Variants in EPS8L1 observed in about 807,000 individuals in gnomAD.
EPS8L1 encodes the protein EPS8 signaling adaptor L1, also known as epidermal growth factor receptor kinase substrate 8-like protein 1.
EPS8L1 carries 101 observed loss-of-function variants against 91.7 expected under a neutral mutation model. That is an observed-to-expected ratio of 1.10 (90% confidence interval 0.94 to 1.30). The LOEUF (loss-of-function observed/expected upper bound fraction) is 1.30. Among genes scored for constraint, EPS8L1 ranks in the 50% most tolerant of loss-of-function variants. The pLI, the probability that EPS8L1 is intolerant of heterozygous loss-of-function variation, is 0.00. For missense variants in EPS8L1, 1,114 were observed against 1,017.0 expected (o/e 1.10, Z -1.30); for synonymous variants, 506 against 445.3 (o/e 1.14, Z -1.72).
rs752662686 is a variant in EPS8L1, at chr19:55,086,106, G to A, written c.1564G>A (p.Gly522Arg). 3 of 1,604,954 alleles carry A rather than the reference G, an allele frequency of 1.9e-6. No individual in the cohort carries two copies. The highest frequency in any genetic ancestry group is 2.6e-6 in the Non-Finnish European group (3 of 1,174,502). Residue 522 changes from glycine to arginine, a missense_variant, in exon 16 of 20, where the codon GGG becomes AGG. Physicochemically the swap from Gly to Arg is moderately radical, Grantham distance 125. Transcript: ENST00000201647. ...RKWWKVRDPAGQEGYVPYNIL... is the reference protein window; with the variant it reads ...RKWWKVRDPARQEGYVPYNIL... ...GTGGTGGAAGGTTCGGGACCCAGCGGGGCAGGAGGGATATGTGCCCTACAA... is the reference window on the plus strand; with the variant it reads ...GTGGTGGAAGGTTCGGGACCCAGCGAGGCAGGAGGGATATGTGCCCTACAA...
At chr19:55,077,971 T>TAATAAC (rs1555839680) in intron 2 of EPS8L1, 117 bp from the exon 3 acceptor site, 1 of 467,254 alleles carries the variant, frequency 2.1e-6, no homozygotes, top group Non-Finnish European at 3.7e-6. Flanking sequence ...ATAATAATAA[T>TAATAAC]AACCCTTCCA....
In EPS8L1 at chr19:55,080,172, A is replaced by G. The variant is rs1159391943; in HGVS notation, c.323A>G (p.Asp108Gly). ...SYPLGAIVRC[D>G]AVMPPGRSRS... ...CCACTGGGCGCCATCGTGCGCTGTGACGCGGTGATGCCACCCGGCAGGAGC... is the reference window on the plus strand; with the variant it reads ...CCACTGGGCGCCATCGTGCGCTGTGGCGCGGTGATGCCACCCGGCAGGAGC... The change falls in exon 6 of 20, where the codon GAC becomes GGC. Residue 108 changes from aspartate to glycine, a missense_variant. Asp to Gly is a moderately conservative substitution (Grantham distance 94). Transcript: ENST00000201647. 6.5e-6 allele frequency: 10 copies of G among 1,532,104 alleles called. No individual in the cohort carries two copies. The Admixed American group carries it at 2.0e-4, about 31-fold the overall frequency. 94.9% of individuals were successfully genotyped at this position (1,532,104 alleles called of 1,614,324 possible).
chr19:55,083,179 A>T lies in EPS8L1; in HGVS notation c.1215-199A>T, dbSNP rs1299414839. On this transcript the variant is annotated intron_variant, in intron 12 of 19. Coordinates refer to ENST00000201647, the MANE Select transcript of EPS8L1 (RefSeq NM_133180.3). This position sits in a 1 kb window ranked among gnomAD's most constrained non-coding sequence, Gnocchi z 4.7. ...CCAAAATGCTGGGATTACAGGCGTGAGCCACCGTGCCCGGTCTAGAAATAT... is the reference window on the plus strand; with the variant it reads ...CCAAAATGCTGGGATTACAGGCGTGTGCCACCGTGCCCGGTCTAGAAATAT... 4.6e-5 allele frequency among the ~76,000 whole-genome samples: 7 copies of T among 152,208 alleles called. No homozygotes were observed. The highest frequency in any genetic ancestry group is 1.0e-4 in the Non-Finnish European group (7 of 68,040).
In EPS8L1 at chr19:55,082,264, C is replaced by T; in HGVS notation, c.991-11C>T. On this transcript the variant is annotated splice_polypyrimidine_tract_variant and intron_variant, in intron 10 of 19. Coordinates refer to ENST00000201647, the MANE Select transcript of EPS8L1 (RefSeq NM_133180.3). ...GCACCCACGCCAACCACCTCCCTCC[C>T]CACGCCCCAGGCCCGGCTGCGCGGC... 2 of 1,610,274 alleles carry T rather than the reference C, an allele frequency of 1.2e-6. No individual in the cohort carries two copies. The highest frequency in any genetic ancestry group is 1.7e-6 in the Non-Finnish European group (2 of 1,178,708).
Position 55,083,616 on chromosome 19 carries a change from C to G in EPS8L1, c.1357C>G (p.Gln453Glu). 1 of 1,596,308 alleles carries G rather than the reference C, an allele frequency of 6.3e-7. No homozygotes were observed. Among genetic ancestry groups the G allele is most frequent in the South Asian group, 1.1e-5 (1 of 88,786 alleles). The change falls in exon 14 of 20, where the codon CAA becomes GAA. Residue 453 changes from glutamine to glutamate, a missense_variant and splice_region_variant. Coordinates refer to ENST00000201647, the MANE Select transcript of EPS8L1 (RefSeq NM_133180.3). The surrounding 1 kb of genome is among the most constrained non-coding windows in gnomAD (Gnocchi z 4.7). ...GACCCGACTGTCTTACTTCCTACAG[C>G]AAAGCGCCCCCCAGGTCGCTGTCAA... ...QLQHERRRRQ[Q>E]SAPQVAVNGH...
chr19:55,086,332 G>GA, intron 16 of EPS8L1, 60 bp from the exon 17 acceptor site: 1 of 1,604,736 alleles, frequency 6.2e-7, no homozygotes, highest in Non-Finnish European at 8.5e-7. Flanking sequence ...CCAGAAAGGG[G>GA]AGAGGCTGGG....
At chr19:55,077,932 CAATAATAATAATAAT>C (rs34626114) in intron 2 of EPS8L1, among the ~76,000 whole-genome samples, 141 bp from the exon 3 acceptor site, 32 of 126,300 alleles carry the variant, frequency 2.5e-4, no homozygotes, top group East Asian at 5.1e-4. Context: ...CTCTCCTGCT[CAATAATAATAATAAT>C]AATAATAATA....
At chr19:55,078,227 G>C in intron 3 of EPS8L1, 99 bp downstream of exon 3, 2 of 954,634 alleles carry the variant, frequency 2.1e-6, no homozygotes, top group Middle Eastern at 2.4e-4. Context: ...TGGGGGTCTG[G>C]ACTCCTGAGT....
In EPS8L1 at chr19:55,083,505, C is replaced by T. The variant is rs2076315194; in HGVS notation, c.1342C>T (p.Arg448Trp). The change falls in exon 13 of 20, where the codon CGG (arginine) becomes TGG (tryptophan). Residue 448 changes from arginine to tryptophan, a missense_variant. Arg to Trp is a moderately radical substitution (Grantham distance 101). Coordinates refer to ENST00000201647, the MANE Select transcript of EPS8L1 (RefSeq NM_133180.3). The surrounding 1 kb of genome is among the most constrained non-coding windows in gnomAD (Gnocchi z 4.7). ...AGTTGAGAAACAGCTACAGCACGAGCGGAGGCGCCGGCAGGTGACCCAAGC... is the reference window on the plus strand; with the variant it reads ...AGTTGAGAAACAGCTACAGCACGAGTGGAGGCGCCGGCAGGTGACCCAAGC... The part of the protein sequence containing the change: ...DPVEKQLQHE[R>W]RRRQQSAPQV... The T allele has an allele frequency of 1.2e-6, 2 of 1,610,668 alleles. No homozygotes were observed. The highest frequency in any genetic ancestry group is 1.7e-6 in the Non-Finnish European group (2 of 1,178,842).
In EPS8L1 at chr19:55,076,354, G is replaced by A. The variant is rs573185509; in HGVS notation, c.-37-54G>A. ...GCCTGCATTGAGGGAGGAGGCTGGG[G>A]TAGGAATTAGAGGCTCCTACTGGCC... On this transcript the variant is annotated intron_variant, in intron 1 of 19. Transcript: ENST00000201647. 2.0e-6 allele frequency: 3 copies of A among 1,516,318 alleles called. No homozygotes were observed. The East Asian group carries it at 6.9e-5, about 35-fold the overall frequency. The allele number at this position is 1,516,318 out of a possible 1,614,324, so 93.9% of individuals were successfully genotyped here.
At position 55,080,759 on chromosome 19, in the gene EPS8L1, G is replaced by C. The variant is rs1165470027; in HGVS notation, c.430-13G>C. On this transcript the variant is annotated splice_polypyrimidine_tract_variant and intron_variant, in intron 6 of 19. Transcript: ENST00000201647. ...CGGCGTGGGGAGGCGTGGCCTGACG[G>C]TGTGATTGGCAGGCGGAGCTGATCC... is the stretch of plus-strand genomic sequence containing the variant. The C allele has an allele frequency of 3.7e-6, 6 of 1,610,896 alleles. No individual in the cohort carries two copies. In the South Asian group the frequency reaches 5.5e-5, roughly 15 times the overall value.
intron 2 of EPS8L1, among the ~76,000 whole-genome samples, chr19:55,077,497 A>G (rs554488125): frequency 1.3e-5 from 2 of 151,984 alleles, no homozygotes; most frequent in African/African-American, 4.8e-5. Context: ...GCAAGGAGGC[A>G]GTAGACAGAG....
chr19:55,086,802 G>A lies in EPS8L1; in HGVS notation c.1866G>A (p.Gly622=), dbSNP rs763280941. ...CGGGACCGAGCCGCGCAGTCCCAGG[G>A]CCCCGCGCCCCGGAACCGCAGCTCA... ...GRSGPSRAVP[G]PRAPEPQLSP... is the part of the protein sequence containing the mutation. Residue 622 remains glycine (G), a synonymous_variant, in exon 18 of 20, where the codon GGG becomes GGA. Transcript: ENST00000201647. 2 of 1,595,654 alleles carry A rather than the reference G, an allele frequency of 1.3e-6. No individual in the cohort carries two copies. The highest frequency in any genetic ancestry group is 8.5e-7 in the Non-Finnish European group (1 of 1,172,188).
At position 55,081,182 on chromosome 19, in the gene EPS8L1, CTGGACCCCTCAG is replaced by C. The variant is rs1376900168; in HGVS notation, c.513-41_513-30del. 6 of 1,473,080 alleles carry C rather than the reference CTGGACCCCTCAG, an allele frequency of 4.1e-6. No individual in the cohort carries two copies. The highest frequency in any genetic ancestry group is 1.4e-5 in the African/African-American group (1 of 71,062). 91.3% of individuals were successfully genotyped at this position (1,473,080 alleles called of 1,614,324 possible). On this transcript the variant is annotated intron_variant, in intron 7 of 19. Transcript: ENST00000201647. This position sits in a 1 kb window ranked among gnomAD's most constrained non-coding sequence, Gnocchi z 4.9. ...TTCTGCGCCCTGGATTTCCCCCTCCCTGGACCCCTCAGTGGACCCAGTCTTGGTGTCCCCGTC... is the reference window on the plus strand; with the variant it reads ...TTCTGCGCCCTGGATTTCCCCCTCCCTGGACCCAGTCTTGGTGTCCCCGTC...
intron 14 of EPS8L1, 32 bp from the exon 15 acceptor site, chr19:55,085,809 T>A: frequency 6.3e-7 from 1 of 1,598,604 alleles, no homozygotes; most frequent in Admixed American, 1.7e-5. Context: ...GCTGGCTGCC[T>A]CCTTATCTCC....
chr19:55,085,289 C>T (rs1403854666), intron 14 of EPS8L1, among the ~76,000 whole-genome samples: 1 of 152,166 alleles, frequency 6.6e-6, no homozygotes. Context: ...CCTCAGCCTC[C>T]AGAATAGCTG....
Position 55,078,113 on chromosome 19 carries a change from G to C in EPS8L1, c.43G>C (p.Ala15Pro). ...TGPEAAPKPS[A>P]KSIYEQRKRY... ...CCCAGAAGCTGCCCCAAAGCCAAGC[G>C]CCAAGTCTATCTATGGTGAGCGGGG... Residue 15 changes from alanine to proline, a missense_variant, in exon 3 of 20, where the codon GCC becomes CCC. Transcript: ENST00000201647. 6.2e-7 allele frequency: 1 copy of C among 1,613,604 alleles called. No individual in the cohort carries two copies. The highest frequency in any genetic ancestry group is 8.5e-7 in the Non-Finnish European group (1 of 1,179,818).
Position 55,082,287 on chromosome 19 carries a change from G to C in EPS8L1, c.1003G>C (p.Gly335Arg), listed in dbSNP as rs753137308. 1.9e-6 allele frequency: 3 copies of C among 1,611,786 alleles called. No individual in the cohort carries two copies. Among genetic ancestry groups the C allele is most frequent in the African/African-American group, 1.3e-5 (1 of 74,822 alleles). Reference sequence around the variant, plus strand: ...CCCCACGCCCCAGGCCCGGCTGCGCGGCAACATCGCCGACCCCTCCTCTCC... The same window carrying C: ...CCCCACGCCCCAGGCCCGGCTGCGCCGCAACATCGCCGACCCCTCCTCTCC... ...YAFSLLARLR[G>R]NIADPSSPEL... Residue 335 changes from glycine to arginine, a missense_variant, in exon 11 of 20, where the codon GGC becomes CGC. Coordinates refer to ENST00000201647, the MANE Select transcript of EPS8L1 (RefSeq NM_133180.3).
rs1359789585 is a variant in EPS8L1, at chr19:55,085,865, T to G, written c.1410T>G (p.Ser470=). 1 of 1,613,098 alleles carries G rather than the reference T, an allele frequency of 6.2e-7. No homozygotes were observed. Among genetic ancestry groups the G allele is most frequent in the African/African-American group, 1.3e-5 (1 of 74,808 alleles). ...GTCACCGAGACTTGGAGCCAGAATC[T>G]GAGCCTCAGCTGGAGTCAGAGACAG... ...VNGHRDLEPE[S]EPQLESETAG... is the part of the protein sequence containing the mutation. Residue 470 remains serine, a synonymous_variant, in exon 15 of 20, where the codon TCT becomes TCG. Transcript: ENST00000201647.
Sources: allele counts gnomAD v4.1 joint callset (sites outside exome capture counted in the v4.1 genomes callset), GRCh38; gene constraint gnomAD v4.1.1; non-coding constraint Gnocchi (gnomAD v3.1); transcripts MANE v1.5; gene names NCBI Gene and HGNC (gene_info 2026-07-23, HGNC 2026-07-21).